Variants in CHRNA4 observed in about 807,000 individuals in gnomAD.
CHRNA4 encodes the protein neuronal acetylcholine receptor subunit alpha-4.
Under a neutral mutation model 48.9 loss-of-function variants are expected in CHRNA4, and 28 were observed. The ratio of observed to expected loss-of-function variants is 0.57; its 90% CI spans 0.42 to 0.79. CHRNA4 has a LOEUF of 0.79. CHRNA4 is among the 30% of genes least tolerant of loss of function. CHRNA4 has a pLI of 0.00. For synonymous variants in CHRNA4, 425 were observed against 402.3 expected, an observed-to-expected ratio of 1.06 and a Z score of -0.68; for missense variants, 859 against 898.4, an observed-to-expected ratio of 0.96 and a Z score of 0.56.
In CHRNA4 at chr20:63,344,238, C is replaced by T. The variant is rs1471995706; in HGVS notation, c.*2500G>A. The T allele has an allele frequency of 4.4e-6, 2 of 453,956 alleles. No individual in the cohort carries two copies. Among genetic ancestry groups the T allele is most frequent in the Non-Finnish European group, 8.8e-6 (2 of 226,728 alleles). 28.1% of individuals were successfully genotyped at this position (453,956 alleles called of 1,614,324 possible). A position where few individuals can be genotyped will look rare whatever the true frequency, so the allele number is the denominator to read the frequency against. ...AGGCTCCAACTGCAGGATTCTGACT[C>T]CTCGAAGGTCGTGAGCCGGAGAGGT... On this transcript the variant is annotated 3_prime_UTR_variant, in exon 6 of 6. Transcript: ENST00000370263. The surrounding 1 kb of genome is among the most constrained non-coding windows in gnomAD (Gnocchi z 4.5).
At position 63,350,919 on chromosome 20, in the gene CHRNA4, G is replaced by A. The variant is rs200259564; in HGVS notation, c.492C>T (p.Asp164=). 336 of 1,613,960 alleles carry A rather than the reference G, an allele frequency of 2.1e-4. 2 individuals carry two copies. The highest frequency in any genetic ancestry group is 1.8e-3 in the South Asian group (164 of 91,074). ...GCTGGTCGAAGGGGAAGAAGGTGAC[G>A]TCGATGCTGCAGGAGCTCTTGTAAA... is the stretch of plus-strand genomic sequence containing the variant. ...PAIYKSSCSI[D]VTFFPFDQQN... The change falls in exon 5 of 6, where the codon GAC becomes GAT. Residue 164 remains aspartate, a synonymous_variant. Coordinates refer to ENST00000370263, the MANE Select transcript of CHRNA4 (RefSeq NM_000744.7).
In CHRNA4 at chr20:63,356,085, C is replaced by T. The variant is rs1331861720; in HGVS notation, c.274-1G>A. On this transcript the variant is annotated splice_acceptor_variant, in intron 3 of 5. Coordinates refer to ENST00000370263, the MANE Select transcript of CHRNA4 (RefSeq NM_000744.7). LOFTEE classifies it high-confidence loss of function. The stretch of plus-strand genomic sequence containing the variant: ...AGCGCAGCTTGTAGTCGTGCCACTC[C>T]TGGATGAGGTGGGGCGGGGGGAGGC... The T allele has an allele frequency of 7.3e-5, 105 of 1,444,166 alleles. No individual in the cohort carries two copies. Among genetic ancestry groups the T allele is most frequent in the Non-Finnish European group, 9.7e-5 (105 of 1,080,768 alleles). 89.5% of individuals were successfully genotyped at this position (1,444,166 alleles called of 1,614,324 possible).
In CHRNA4 at chr20:63,344,437, A is replaced by G. The variant is rs200336430; in HGVS notation, c.*2301T>C. ...CGCAAATACGCCAACATTGTTGTCA[A>G]GGTTAATTTGGCGTGGTGGGAATAT... On this transcript the variant is annotated 3_prime_UTR_variant, in exon 6 of 6. Coordinates refer to ENST00000370263, the MANE Select transcript of CHRNA4 (RefSeq NM_000744.7). The surrounding 1 kb of genome is among the most constrained non-coding windows in gnomAD (Gnocchi z 4.5). The G allele has an allele frequency of 1.1e-5, 5 of 453,702 alleles. No homozygotes were observed. The highest frequency in any genetic ancestry group is 2.2e-5 in the Non-Finnish European group (5 of 226,726). The allele number at this position is 453,702 out of a possible 1,614,324, so 28.1% of individuals were successfully genotyped here.
At chr20:63,351,667 TG>T (rs1296952005) in intron 4 of CHRNA4, among the ~76,000 whole-genome samples, 1 of 152,264 alleles carries the variant, frequency 6.6e-6, no homozygotes, top group Non-Finnish European at 1.5e-5. Context: ...ACAGGTGTTC[TG>T]GCCACCCAGG....
chr20:63,345,697 G>C lies in CHRNA4; in HGVS notation c.*1041C>G, dbSNP rs41283010. 0.048 allele frequency: 21,724 copies of C among 453,786 alleles called. 692 individuals carry two copies. The highest frequency in any genetic ancestry group is 0.096 in the Middle Eastern group (139 of 1,442). The allele number at this position is 453,786 out of a possible 1,614,324, so 28.1% of individuals were successfully genotyped here. On this transcript the variant is annotated 3_prime_UTR_variant, in exon 6 of 6. Coordinates refer to ENST00000370263, the MANE Select transcript of CHRNA4 (RefSeq NM_000744.7). This position sits in a 1 kb window ranked among gnomAD's most constrained non-coding sequence, Gnocchi z 5.4. ...AGGGTCCCAGCATCTCCCAGGTGGA[G>C]GTCCTCAAGGATGCCCCCACCAGCT...
chr20:63,355,418 A>T (rs2068701581), intron 4 of CHRNA4: 1 of 929,982 alleles, frequency 1.1e-6, no homozygotes, highest in African/African-American at 1.7e-5. Context: ...ACCTGGCGTG[A>T]CATGTCCTGG....
intron 2 of CHRNA4, among the ~76,000 whole-genome samples, chr20:63,358,965 G>A (rs2068759366): frequency 6.6e-6 from 1 of 152,166 alleles, no homozygotes; most frequent in Non-Finnish European, 1.5e-5. Flanking sequence ...GGGGCTCCAT[G>A]TGCACTGGCC....
chr20:63,350,518 G>A lies in CHRNA4; in HGVS notation c.893C>T (p.Ser298Phe). 1 of 1,614,022 alleles carries A rather than the reference G, an allele frequency of 6.2e-7. No homozygotes were observed. The highest frequency in any genetic ancestry group is 2.2e-5 in the East Asian group (1 of 44,876). Residue 298 changes from serine (S) to phenylalanine (F), a missense_variant, in exon 5 of 6, where the codon TCC (serine) becomes TTC (phenylalanine). Around this residue, in one of 3 missense-constraint regions of CHRNA4, gnomAD observed 39 missense variants for 77.7 expected, o/e 0.50. Transcript: ENST00000370263. ...GATGAGTGGGATGACCAGTGAGGTG[G>A]ACGGGATGATCTCGGTGATGAGCAG... ...FLLLITEIIP[S>F]TSLVIPLIGE...
chr20:63,351,529 C>T (rs4809541), intron 4 of CHRNA4, among the ~76,000 whole-genome samples: 117,823 of 152,138 alleles, frequency 0.77, 47,581 homozygotes, highest in Non-Finnish European at 0.88. Flanking sequence ...CCTATGTCCC[C>T]GCCCCTCCAA....
chr20:63,348,282 C>T (rs968111535), intron 5 of CHRNA4, among the ~76,000 whole-genome samples: 9 of 152,238 alleles, frequency 5.9e-5, no homozygotes, highest in Non-Finnish European at 1.3e-4. Context: ...GCATCTGACC[C>T]CACGGTGGCA....
At chr20:63,358,688 C>T (rs1230012248) in intron 2 of CHRNA4, among the ~76,000 whole-genome samples, 2 of 152,208 alleles carry the variant, frequency 1.3e-5, no homozygotes, top group African/African-American at 4.8e-5. Flanking sequence ...CTGCCCTCCT[C>T]CATGGTGGCA....
rs907825072 is a variant in CHRNA4 at position 63,345,735 on chromosome 20, T to G, written c.*1003A>C. 6 of 449,172 alleles carry G rather than the reference T, an allele frequency of 1.3e-5. No individual in the cohort carries two copies. Among genetic ancestry groups the G allele is most frequent in the African/African-American group, 1.0e-4 (5 of 49,910 alleles). The allele number at this position is 449,172 out of a possible 1,614,324, so 27.8% of individuals were successfully genotyped here. ...GCCCCCACCAGCTCCCCACAGCTAC[T>G]GTAGCAGGAAGTCCTTCTTCCCGAA... On this transcript the variant is annotated 3_prime_UTR_variant, in exon 6 of 6. Coordinates refer to ENST00000370263, the MANE Select transcript of CHRNA4 (RefSeq NM_000744.7). The surrounding 1 kb of genome is among the most constrained non-coding windows in gnomAD (Gnocchi z 5.4).
intron 2 of CHRNA4, 159 bp from the exon 3 acceptor site, chr20:63,356,574 G>T: frequency 1.4e-6 from 1 of 732,458 alleles, no homozygotes; most frequent in Non-Finnish European, 2.4e-6. Flanking sequence ...CCTGGAGGCA[G>T]CCGAGCCCAG....
chr20:63,353,185 G>A (rs1464890636), intron 4 of CHRNA4, among the ~76,000 whole-genome samples: 1 of 152,210 alleles, frequency 6.6e-6, no homozygotes, highest in Non-Finnish European at 1.5e-5. Context: ...CCAGAGAAGG[G>A]CCGAGGCCTC....
rs1568820102 is a variant in CHRNA4, at chr20:63,359,901, G to GTGTGTGTGTGTGTGTGCCGGGCGTGCGC, written c.77-203_77-202insGCGCACGCCCGGCACACACACACACACA. On this transcript the variant is annotated intron_variant, in intron 1 of 5. Transcript: ENST00000370263. ...TGTGTGTGTGCCGGGCGTGTGCTGT[G>GTGTGTGTGTGTGTGTGCCGGGCGTGCGC]TGTGTGTGTGTGTGTGTGTGTGTGT... The GTGTGTGTGTGTGTGTGCCGGGCGTGCGC allele has an allele frequency of 3.3e-3, 981 of 297,892 alleles. 19 individuals carry two copies. Among genetic ancestry groups the GTGTGTGTGTGTGTGTGCCGGGCGTGCGC allele is most frequent in the African/African-American group, 0.021 (301 of 14,050 alleles). 18.5% of individuals were successfully genotyped at this position (297,892 alleles called of 1,614,324 possible). A position where few individuals can be genotyped will look rare whatever the true frequency, so the allele number is the denominator to read the frequency against.
In CHRNA4 at chr20:63,359,619, G is replaced by A. The variant is rs2054226040; in HGVS notation, c.157C>T (p.Arg53Ter). 5 of 1,612,692 alleles carry A rather than the reference G, an allele frequency of 3.1e-6. No individual in the cohort carries two copies. Among genetic ancestry groups the A allele is most frequent in the African/African-American group, 1.3e-5 (1 of 75,060 alleles). Residue 53 changes from arginine to a stop codon, truncating the protein, a stop_gained, in exon 2 of 6, where the codon CGA becomes TGA. Coordinates refer to ENST00000370263, the MANE Select transcript of CHRNA4 (RefSeq NM_000744.7). LOFTEE classifies it high-confidence loss of function. ...KLFSGYNKWS[R>*]PVANISDVVL... is the part of the protein sequence containing the mutation. ...ACGTCCGAGATGTTGGCCACGGGTC[G>A]GGACCACTTGTTGTAACCGGAGAAG...
Position 63,345,537 on chromosome 20 carries a change from C to T in CHRNA4, c.*1201G>A, listed in dbSNP as rs200092458. ...GCCTGGAAACATTTCAGGCCTCCCT[C>T]ACCTCTGGATACCGCCTGCAGGGGT... On this transcript the variant is annotated 3_prime_UTR_variant, in exon 6 of 6. Transcript: ENST00000370263. This position sits in a 1 kb window ranked among gnomAD's most constrained non-coding sequence, Gnocchi z 5.4. 2 of 420,712 alleles carry T rather than the reference C, an allele frequency of 4.8e-6. No homozygotes were observed. The highest frequency in any genetic ancestry group is 9.8e-6 in the Non-Finnish European group (2 of 203,742). 26.1% of individuals were successfully genotyped at this position (420,712 alleles called of 1,614,324 possible). A position where few individuals can be genotyped will look rare whatever the true frequency, so the allele number is the denominator to read the frequency against.
chr20:63,353,311 C>T (rs1000890863), intron 4 of CHRNA4, among the ~76,000 whole-genome samples: 4 of 152,158 alleles, frequency 2.6e-5, no homozygotes, highest in South Asian at 2.1e-4. Context: ...GGGTCCTGTC[C>T]GGAGAGAGCC....
At position 63,360,945 on chromosome 20, in the gene CHRNA4, T is replaced by C. The variant is rs2068809526; in HGVS notation, c.76+145A>G. Reference sequence around the variant, plus strand: ...CGGGTGCGAGCGCAGCCTGTGCGGCTGGGGATGGGGAGCCTCGCGGTCGCC... The same window carrying C: ...CGGGTGCGAGCGCAGCCTGTGCGGCCGGGGATGGGGAGCCTCGCGGTCGCC... On this transcript the variant is annotated intron_variant, in intron 1 of 5. Coordinates refer to ENST00000370263, the MANE Select transcript of CHRNA4 (RefSeq NM_000744.7). 3 of 628,376 alleles carry C rather than the reference T, an allele frequency of 4.8e-6. No individual in the cohort carries two copies. The South Asian group carries it at 1.1e-4, about 23-fold the overall frequency. The allele number at this position is 628,376 out of a possible 1,614,324, so 38.9% of individuals were successfully genotyped here.
Sources: allele counts gnomAD v4.1 joint callset (sites outside exome capture counted in the v4.1 genomes callset), GRCh38; gene constraint gnomAD v4.1.1; regional missense constraint gnomAD v4.1.1; non-coding constraint Gnocchi (gnomAD v3.1); transcripts MANE v1.5; gene names NCBI Gene and HGNC (gene_info 2026-07-23, HGNC 2026-07-21).